The following TMCO6 variants were observed in gnomAD, a reference collection of about 807,000 sequenced individuals.
TMCO6 encodes transmembrane and coiled-coil domains 6.
In TMCO6, 47 loss-of-function variants were observed where a neutral mutation model predicts 61.8. That is an observed-to-expected ratio of 0.76 (90% CI 0.60 to 0.97). TMCO6 has a LOEUF of 0.97. Ranked by LOEUF, TMCO6 falls within the 50% of genes least tolerant of loss-of-function variation. The pLI, the probability that TMCO6 is intolerant of heterozygous loss-of-function variation, is 0.00. For synonymous variants in TMCO6, 261 were observed against 254.2 expected (o/e 1.03, Z -0.25); for missense variants, 557 against 601.6 (o/e 0.93, Z 0.78).
the TMCO6 span, among the ~76,000 whole-genome samples, chr5:140,602,232 C>A: frequency 9.9e-5 from 15 of 152,186 alleles, no homozygotes; most frequent in Non-Finnish European, 2.2e-4. Flanking sequence ...CCTCTTTTCT[C>A]TCACTTCCTA....
the TMCO6 span, among the ~76,000 whole-genome samples, chr5:140,606,168 C>T: frequency 2.3e-5 from 2 of 85,214 alleles, no homozygotes; most frequent in African/African-American, 1.2e-4. Flanking sequence ...CTCTTTCTTT[C>T]CTCTTTTTTT....
intron 2 of TMCO6, 60 bp downstream of exon 2, chr5:140,639,911 G>C (rs1462935170): frequency 6.9e-7 from 1 of 1,447,282 alleles, no homozygotes; most frequent in East Asian, 2.4e-5. Flanking sequence ...ACTCCCGGGA[G>C]TACTCGAGGT....
the TMCO6 span, among the ~76,000 whole-genome samples, chr5:140,618,057 G>C: frequency 6.6e-6 from 1 of 152,164 alleles, no homozygotes; most frequent in South Asian, 2.1e-4. Context: ...TGGTATTGGT[G>C]AAGAAAATAG....
the TMCO6 span, among the ~76,000 whole-genome samples, chr5:140,630,480 G>A: frequency 4.0e-5 from 6 of 151,834 alleles, no homozygotes; most frequent in African/African-American, 9.7e-5. Flanking sequence ...GTGTTCCCCC[G>A]ACCCCCACTG....
chr5:140,616,305 G>C, the TMCO6 span, among the ~76,000 whole-genome samples: 1 of 152,082 alleles, frequency 6.6e-6, no homozygotes, highest in African/African-American at 2.4e-5. Context: ...TTTAATTCCA[G>C]TACTTTGAGA....
chr5:140,632,101 G>T, the TMCO6 span: 16 of 1,614,244 alleles, frequency 9.9e-6, no homozygotes, highest in Non-Finnish European at 1.4e-5. This position sits in a 1 kb window ranked among gnomAD's most constrained non-coding sequence, Gnocchi z 6.2. Flanking sequence ...TTGGCTGGCA[G>T]TCCTTTAGGC....
At position 140,643,962 on chromosome 5, in the gene TMCO6, C is replaced by T; in HGVS notation, c.1101C>T (p.Leu367=). 1 of 1,614,134 alleles carries T rather than the reference C, an allele frequency of 6.2e-7. No individual in the cohort carries two copies. ...LPEGLWLLNN[L]TANSPSFCTS... is the part of the protein sequence containing the mutation. The stretch of plus-strand genomic sequence containing the variant: ...AGGGCCTTTGGCTCCTCAACAACCT[C>T]ACTGGTACGCACCATAATCTGCCCA... Residue 367 remains leucine, a synonymous_variant, in exon 9 of 12, where the codon CTC becomes CTT. Coordinates refer to ENST00000394671, the MANE Select transcript of TMCO6 (RefSeq NM_018502.5).
chr5:140,605,347 CT>C, the TMCO6 span, among the ~76,000 whole-genome samples: 1 of 152,000 alleles, frequency 6.6e-6, no homozygotes, highest in African/African-American at 2.4e-5. Context: ...GTTTCTCTGG[CT>C]AAAACTTCTG....
rs767151956 is a variant in TMCO6 at position 140,642,011 on chromosome 5, T to C, written c.456T>C (p.Ser152=). 1.9e-6 allele frequency: 3 copies of C among 1,612,890 alleles called. No homozygotes were observed. Among genetic ancestry groups the C allele is most frequent in the South Asian group, 1.1e-5 (1 of 91,070 alleles). ...CTGAGGCCTGCCTGCCAGCCACTTCTTACCTCCTCACCTACCTCTCCAGTC... is the reference window on the plus strand; with the variant it reads ...CTGAGGCCTGCCTGCCAGCCACTTCCTACCTCCTCACCTACCTCTCCAGTC... ...TVAEACLPAT[S]YLLTYLSSHS... Residue 152 remains serine, a synonymous_variant, in exon 4 of 12, where the codon TCT becomes TCC. Transcript: ENST00000394671.
the TMCO6 span, among the ~76,000 whole-genome samples, chr5:140,622,890 T>C: frequency 7.9e-4 from 121 of 152,276 alleles, no homozygotes; most frequent in Non-Finnish European, 8.8e-5. Flanking sequence ...ATTTATATTT[T>C]ATTTTTTAAT....
the TMCO6 span, among the ~76,000 whole-genome samples, chr5:140,611,141 A>T: frequency 2.0e-5 from 3 of 152,086 alleles, no homozygotes; most frequent in Admixed American, 6.6e-5. Context: ...GGTCAGAGCC[A>T]CTCTCTCTTC....
At chr5:140,626,350 C>T in the TMCO6 span, among the ~76,000 whole-genome samples, 1 of 152,064 alleles carries the variant, frequency 6.6e-6, no homozygotes, top group South Asian at 2.1e-4. Flanking sequence ...CAATTTTAAT[C>T]AGTTTGACCA....
chr5:140,600,613 C>T, the TMCO6 span, among the ~76,000 whole-genome samples: 1 of 151,974 alleles, frequency 6.6e-6, no homozygotes, highest in East Asian at 1.9e-4. Flanking sequence ...TACAGGCACC[C>T]GCCACTGTGC....
downstream of TMCO6, among the ~76,000 whole-genome samples, chr5:140,646,014 T>C (rs1173480520): frequency 6.7e-6 from 1 of 149,964 alleles, no homozygotes; most frequent in Admixed American, 6.6e-5. Flanking sequence ...TCTCTCTTTT[T>C]TTTTTTTTTT....
chr5:140,618,538 TG>T, the TMCO6 span, among the ~76,000 whole-genome samples: 26 of 152,280 alleles, frequency 1.7e-4, no homozygotes, highest in African/African-American at 6.3e-4. Context: ...TGTGTAGGTT[TG>T]TTATATAGGT....
At chr5:140,647,295 C>A, downstream of TMCO6, 2 of 1,575,086 alleles carry the variant, frequency 1.3e-6, no homozygotes, top group Non-Finnish European at 1.7e-6. Context: ...TCGGAGCATT[C>A]GCGGATTAGG....
Position 140,643,653 on chromosome 5 carries a change from C to T in TMCO6, c.896C>T (p.Thr299Ile), listed in dbSNP as rs17208187. The T allele has an allele frequency of 2.5e-6, 4 of 1,612,874 alleles. No individual in the cohort carries two copies. The East Asian group carries it at 8.9e-5, about 36-fold the overall frequency. The change falls in exon 8 of 12, where the codon ACC becomes ATC. Residue 299 changes from threonine (T) to isoleucine (I), a missense_variant. Thr to Ile is a moderately conservative substitution (Grantham distance 89). Transcript: ENST00000394671. ...GACTTGGCTGGGGCTGTCCAGAAAA[C>T]CGAGGATGCAGGACTGGAGCTGGTA... is the stretch of plus-strand genomic sequence containing the variant. ...LLDLAGAVQK[T>I]EDAGLELLAC...
chr5:140,616,992 G>A, the TMCO6 span, among the ~76,000 whole-genome samples: 87 of 151,372 alleles, frequency 5.7e-4, no homozygotes, highest in Non-Finnish European at 9.1e-4. Context: ...GCTGTGAGCC[G>A]AGATCATGCC....
In TMCO6 at chr5:140,645,229, G is replaced by A; in HGVS notation, c.*131G>A. 2.2e-6 allele frequency: 2 copies of A among 914,594 alleles called. No individual in the cohort carries two copies. Among genetic ancestry groups the A allele is most frequent in the Non-Finnish European group, 3.4e-6 (2 of 592,492 alleles). The allele number at this position is 914,594 out of a possible 1,614,324, so 56.7% of individuals were successfully genotyped here. A position where few individuals can be genotyped will look rare whatever the true frequency, so the allele number is the denominator to read the frequency against. ...CTCCCACACCTAAGCCAAGACCTTT[G>A]GGTCCCAGCTCCTCCCCTTCCACTC... On this transcript the variant is annotated 3_prime_UTR_variant, in exon 12 of 12. Coordinates refer to ENST00000394671, the MANE Select transcript of TMCO6 (RefSeq NM_018502.5).
Sources: gnomAD v4.1 joint callset for allele counts (sites outside exome capture counted in the v4.1 genomes callset) on GRCh38, gnomAD v4.1.1 for gene constraint, Gnocchi (gnomAD v3.1) non-coding constraint, MANE v1.5 for transcripts, NCBI Gene and HGNC (gene_info 2026-07-23, HGNC 2026-07-21) for gene names.